MAP4K5: variants seen among roughly 807,000 people sequenced by gnomAD.
The protein encoded by MAP4K5 is mitogen-activated protein kinase kinase kinase kinase 5.
A neutral mutation model predicts 135.6 loss-of-function variants in MAP4K5; 82 were observed. The ratio of observed to expected loss-of-function variants is 0.60; its 90% CI spans 0.51 to 0.73. The LOEUF is 0.73. Ranked by LOEUF, MAP4K5 falls within the 30% of genes least tolerant of loss-of-function variation. The pLI is 0.00. For synonymous variants in MAP4K5, 347 were observed against 335.0 expected, an observed-to-expected ratio of 1.04 and a Z score of -0.39; for missense variants, 907 against 1,010.9, an observed-to-expected ratio of 0.90 and a Z score of 1.39.
intron 1 of MAP4K5, 45 bp from the exon 2 acceptor site, chr14:50,532,203 A>G (rs1263956165): frequency 3.5e-6 from 2 of 574,764 alleles, no homozygotes; most frequent in Admixed American, 3.3e-5. Flanking sequence ...GCAGGCTACG[A>G]CCCCCAGCGG....
intron 2 of MAP4K5, among the ~76,000 whole-genome samples, chr14:50,507,914 T>C (rs916604001): frequency 1.3e-5 from 2 of 152,182 alleles, no homozygotes; most frequent in African/African-American, 2.4e-5. Context: ...GTTAACTTTC[T>C]GTCTCGTTGA....
At chr14:50,506,149 T>C (rs2037804904) in intron 2 of MAP4K5, among the ~76,000 whole-genome samples, 1 of 152,118 alleles carries the variant, frequency 6.6e-6, no homozygotes, top group Admixed American at 6.5e-5. Context: ...AGTATAGTTA[T>C]ACTAATCTGC....
chr14:50,462,657 T>G lies in MAP4K5; in HGVS notation c.936+8A>C, dbSNP rs371907952. 2.4e-4 allele frequency: 381 copies of G among 1,580,566 alleles called. 4 individuals are homozygous for G. The South Asian group carries it at 3.8e-3, about 16-fold the overall frequency. On this transcript the variant is annotated splice_region_variant and intron_variant, in intron 13 of 32. Coordinates refer to ENST00000682126, the MANE Select transcript of MAP4K5 (RefSeq NM_006575.6). ...TTTTCAACTATGAGACTGCAAACAC[T>G]TCCTTACCTCAAAGTCATCGTCATC... is the stretch of plus-strand genomic sequence containing the variant.
In MAP4K5 at chr14:50,466,612, C is replaced by A. The variant is rs867282277; in HGVS notation, c.708G>T (p.Gln236His). Residue 236 changes from glutamine (Q) to histidine (H), a missense_variant, in exon 11 of 33, where the codon CAG (glutamine) becomes CAT (histidine). By Grantham distance (24) the Gln-to-His change is conservative. Transcript: ENST00000682126. Reference sequence around the variant, plus strand: ...TTGTTTTGTCCTTTAGTTTTGGAGGCTGAAAATTACTTTTTGACATTAAGA... The same window carrying A: ...TTGTTTTGTCCTTTAGTTTTGGAGGATGAAAATTACTTTTTGACATTAAGA... Reference protein sequence around the residue: ...ALFLMSKSNFQPPKLKDKTKW... With the variant: ...ALFLMSKSNFHPPKLKDKTKW... 6.8e-7 allele frequency: 1 copy of A among 1,462,380 alleles called. No homozygotes were observed. The allele number at this position is 1,462,380 out of a possible 1,614,324, so 90.6% of individuals were successfully genotyped here.
chr14:50,445,863 G>A (rs1020151751), intron 17 of MAP4K5, among the ~76,000 whole-genome samples: 3 of 152,032 alleles, frequency 2.0e-5, no homozygotes, highest in African/African-American at 2.4e-5. Context: ...CACCAACCAC[G>A]CCTGGCCGCC....
intron 1 of MAP4K5, among the ~76,000 whole-genome samples, chr14:50,553,396 A>G (rs2038726658): frequency 6.6e-6 from 1 of 152,140 alleles, no homozygotes; most frequent in Non-Finnish European, 1.5e-5. Context: ...CAAAACCACA[A>G]TGAGATACAA....
chr14:50,512,294 T>C (rs1306136194), intron 2 of MAP4K5, among the ~76,000 whole-genome samples: 1 of 152,160 alleles, frequency 6.6e-6, no homozygotes, highest in Non-Finnish European at 1.5e-5. Context: ...TTTTTATTAT[T>C]AGAATCAACC....
At chr14:50,456,361 C>A in intron 14 of MAP4K5, 155 bp downstream of exon 14, 1 of 602,412 alleles carries the variant, frequency 1.7e-6, no homozygotes, top group Non-Finnish European at 2.9e-6. Flanking sequence ...AAGGGAATTC[C>A]ATCGAAACCA....
chr14:50,539,210 C>T (rs1419364883), intron 2 of MAP4K5, among the ~76,000 whole-genome samples: 2 of 152,196 alleles, frequency 1.3e-5, no homozygotes, highest in African/African-American at 4.8e-5. Flanking sequence ...ATCACAATTA[C>T]TCAAACTATC....
intron 2 of MAP4K5, among the ~76,000 whole-genome samples, chr14:50,523,413 C>T (rs2038192628): frequency 6.6e-6 from 1 of 152,140 alleles, no homozygotes; most frequent in Admixed American, 6.5e-5. Context: ...GATAATATGC[C>T]TGCCCCTAAG....
In MAP4K5 at chr14:50,434,989, C is replaced by A; in HGVS notation, c.1959G>T (p.Glu653Asp). 6.2e-7 allele frequency: 1 copy of A among 1,609,246 alleles called. No homozygotes were observed. The highest frequency in any genetic ancestry group is 8.5e-7 in the Non-Finnish European group (1 of 1,176,576). Residue 653 changes from glutamate (E) to aspartate (D), a missense_variant, in exon 27 of 33, where the codon GAG becomes GAT. By Grantham distance (45) the Glu-to-Asp change is conservative (BLOSUM62 2). Transcript: ENST00000682126. ...QSGIVLLQWYEPMQKFMLIKH... is the reference protein window; with the variant it reads ...QSGIVLLQWYDPMQKFMLIKH... ...TTATCAACATGAATTTCTGCATTGG[C>A]TCATACCACTGAAGTAAAACAATTC... is the stretch of plus-strand genomic sequence containing the variant.
At chr14:50,437,752 A>T in intron 25 of MAP4K5, 142 bp downstream of exon 25, 1 of 671,334 alleles carries the variant, frequency 1.5e-6, no homozygotes, top group Non-Finnish European at 2.5e-6. Flanking sequence ...GAAAACGTTC[A>T]GCTTTTCCAG....
chr14:50,437,428 G>C, intron 26 of MAP4K5, 48 bp downstream of exon 26: 3 of 1,356,168 alleles, frequency 2.2e-6, no homozygotes, highest in Non-Finnish European at 3.1e-6. Flanking sequence ...TAATTATAAA[G>C]ATGTTAAAAG....
rs146613929 is a variant in MAP4K5 at position 50,560,295 on chromosome 14, T to C, written c.-180+745A>G. 1.4e-4 allele frequency: 220 copies of C among 1,613,762 alleles called. No individual in the cohort carries two copies. In the African/African-American group the frequency reaches 2.4e-3, roughly 17 times the overall value. On this transcript the variant is annotated intron_variant, in intron 1 of 8. Transcript: ENST00000555216. ...CCAAGAACCGCAGGGACAGAAACAG[T>C]TGGGGTGAGTAGCAAATGAGAACTT... is the stretch of plus-strand genomic sequence containing the variant.
chr14:50,448,399 CAAAT>C, intron 15 of MAP4K5, among the ~76,000 whole-genome samples: 1 of 150,064 alleles, frequency 6.7e-6, no homozygotes, highest in Middle Eastern at 3.5e-3. Context: ...ACTATATTAA[CAAAT>C]AAAATATATT....
At chr14:50,421,780 ACAAG>A (rs1357906883) in intron 32 of MAP4K5, among the ~76,000 whole-genome samples, 3 of 152,048 alleles carry the variant, frequency 2.0e-5, no homozygotes, top group Non-Finnish European at 4.4e-5. Context: ...GTAGAAGGAA[ACAAG>A]CAACCCAGAG....
intron 1 of MAP4K5, chr14:50,559,967 GA>G: frequency 2.1e-6 from 1 of 480,108 alleles, no homozygotes; most frequent in Non-Finnish European, 3.8e-6. Flanking sequence ...GTTTTCCGTT[GA>G]AAATGTTGCG....
chr14:50,503,740 G>A (rs1195941729), intron 3 of MAP4K5, among the ~76,000 whole-genome samples: 1 of 151,998 alleles, frequency 6.6e-6, no homozygotes, highest in Non-Finnish European at 1.5e-5. Context: ...CACTGCACTC[G>A]CTTAAGACAG....
At chr14:50,427,429 A>G (rs571040080) in intron 30 of MAP4K5, among the ~76,000 whole-genome samples, 27 of 152,316 alleles carry the variant, frequency 1.8e-4, no homozygotes, top group African/African-American at 6.3e-4. Context: ...TAAGCAAACT[A>G]TTTTCATGTA....
Sources: gnomAD v4.1 joint callset for allele counts (sites outside exome capture counted in the v4.1 genomes callset) on GRCh38, gnomAD v4.1.1 for gene constraint, MANE v1.5 for transcripts, NCBI Gene and HGNC (gene_info 2026-07-23, HGNC 2026-07-21) for gene names.